The following FOXP2 variants were observed in gnomAD, a reference collection of about 807,000 sequenced individuals.
FOXP2 encodes the protein forkhead box P2.
A neutral mutation model predicts 115.8 loss-of-function variants in FOXP2; 12 were observed. The ratio of observed to expected loss-of-function variants is 0.10; its 90% CI spans 0.07 to 0.17. The LOEUF (loss-of-function observed/expected upper bound fraction) is 0.17. Among genes scored for constraint, FOXP2 ranks in the 10% least tolerant of loss-of-function variants. FOXP2 has a pLI of 1.00. For synonymous variants in FOXP2, 328 were observed against 297.7 expected (o/e 1.10, Z -1.05); for missense variants, 629 against 843.5 (o/e 0.75, Z 3.15).
At chr7:114,459,862 C>A (rs181890520) in intron 2 of FOXP2, among the ~76,000 whole-genome samples, 3 of 152,200 alleles carry the variant, frequency 2.0e-5, no homozygotes, top group East Asian at 3.9e-4. Flanking sequence ...GTGATCCTCC[C>A]GCCTCAGCCT....
intron 2 of FOXP2, among the ~76,000 whole-genome samples, chr7:114,316,837 T>G (rs1277570135): frequency 4.6e-5 from 7 of 151,560 alleles, no homozygotes; most frequent in Non-Finnish European, 1.5e-5. Flanking sequence ...ACTTTCTAAT[T>G]TTTTTTTTAA....
intron 1 of FOXP2, among the ~76,000 whole-genome samples, chr7:114,183,978 A>C (rs1272819678): frequency 6.6e-6 from 1 of 152,296 alleles, no homozygotes; most frequent in East Asian, 1.9e-4. Flanking sequence ...TATTGGAATT[A>C]ACTGTTGAAC....
At chr7:114,361,196 T>C (rs529410872) in intron 2 of FOXP2, among the ~76,000 whole-genome samples, 1 of 152,236 alleles carries the variant, frequency 6.6e-6, no homozygotes, top group African/African-American at 2.4e-5. Flanking sequence ...GATCAAATTA[T>C]ATAATAAATT....
At chr7:114,221,892 T>G (rs1794631815) in intron 1 of FOXP2, among the ~76,000 whole-genome samples, 1 of 152,034 alleles carries the variant, frequency 6.6e-6, no homozygotes, top group Non-Finnish European at 1.5e-5. Flanking sequence ...TCATTCTTCA[T>G]GCTCTTCTCC....
intron 3 of FOXP2, among the ~76,000 whole-genome samples, chr7:114,615,892 T>C (rs1803923707): frequency 6.6e-6 from 1 of 152,162 alleles, no homozygotes; most frequent in Non-Finnish European, 1.5e-5. Flanking sequence ...ATTCCTCAGG[T>C]TTTAGCTTAA....
At chr7:114,264,487 G>A (rs1353791381) in intron 1 of FOXP2, among the ~76,000 whole-genome samples, 1 of 152,020 alleles carries the variant, frequency 6.6e-6, no homozygotes, top group Non-Finnish European at 1.5e-5. Flanking sequence ...TAATGTCTGG[G>A]CCAAATGTTA....
At chr7:114,266,840 T>A (rs778388980) in intron 1 of FOXP2, among the ~76,000 whole-genome samples, 2 of 152,228 alleles carry the variant, frequency 1.3e-5, no homozygotes, top group African/African-American at 2.4e-5. Context: ...AATTGTTCAC[T>A]TGTTCAGCTA....
chr7:114,107,572 A>G (rs1584482927), intron 1 of FOXP2, among the ~76,000 whole-genome samples: 1 of 151,820 alleles, frequency 6.6e-6, no homozygotes, highest in Non-Finnish European at 1.5e-5. Context: ...TCCCTTTCCT[A>G]TTTGTCTGGA....
At chr7:114,287,266 A>C (rs1379799311) in intron 1 of FOXP2, among the ~76,000 whole-genome samples, 1 of 151,934 alleles carries the variant, frequency 6.6e-6, no homozygotes, top group Non-Finnish European at 1.5e-5. Context: ...GAAAAAAAAA[A>C]CTGCAAAAAG....
chr7:114,251,328 G>T (rs1443189230), intron 1 of FOXP2, among the ~76,000 whole-genome samples: 2 of 152,148 alleles, frequency 1.3e-5, no homozygotes, highest in African/African-American at 4.8e-5. Flanking sequence ...TTCTAATTCT[G>T]TGAAGAAAGT....
At chr7:114,377,438 G>A (rs1015240347) in intron 2 of FOXP2, among the ~76,000 whole-genome samples, 15 of 152,118 alleles carry the variant, frequency 9.9e-5, no homozygotes, top group African/African-American at 3.4e-4. Flanking sequence ...CAAGAAAAAT[G>A]TGAAAAAGGC....
chr7:114,545,807 T>G (rs1002396834), intron 3 of FOXP2, among the ~76,000 whole-genome samples: 1 of 152,182 alleles, frequency 6.6e-6, no homozygotes. Flanking sequence ...TAGAAATCTT[T>G]TTTGCATCTT....
At chr7:114,291,743 C>T (rs144999722) in intron 2 of FOXP2, among the ~76,000 whole-genome samples, 8 of 150,558 alleles carry the variant, frequency 5.3e-5, no homozygotes, top group African/African-American at 1.7e-4. Flanking sequence ...CCATGTGGCA[C>T]TCTCCATACA....
At chr7:114,290,305 A>G (rs936948366) in intron 2 of FOXP2, among the ~76,000 whole-genome samples, 1 of 152,028 alleles carries the variant, frequency 6.6e-6, no homozygotes, top group Non-Finnish European at 1.5e-5. Context: ...AAAATGTTTC[A>G]TACAACTTAT....
intron 1 of FOXP2, among the ~76,000 whole-genome samples, chr7:114,169,513 A>G (rs1309027483): frequency 3.3e-5 from 5 of 152,102 alleles, no homozygotes; most frequent in South Asian, 2.1e-4. Flanking sequence ...CTGTATCTTC[A>G]TTGTATCTAG....
chr7:114,290,221 T>G (rs1796560086), intron 2 of FOXP2, among the ~76,000 whole-genome samples: 1 of 151,994 alleles, frequency 6.6e-6, no homozygotes, highest in African/African-American at 2.4e-5. Context: ...AATTTTTTTT[T>G]TAGTTTTATC....
At chr7:114,654,237 C>A (rs1806448377) in intron 10 of FOXP2, 1 of 993,748 alleles carries the variant, frequency 1.0e-6, no homozygotes, top group Non-Finnish European at 1.4e-6. Flanking sequence ...CAAAGTACAC[C>A]TATCAGTGCA....
intron 3 of FOXP2, among the ~76,000 whole-genome samples, chr7:114,571,603 A>G (rs866210235): frequency 9.9e-5 from 15 of 151,872 alleles, no homozygotes; most frequent in African/African-American, 3.4e-4. Context: ...AGTTGGGGAA[A>G]AAATGGATGG....
chr7:114,256,414 T>C (rs1054521335), intron 1 of FOXP2, among the ~76,000 whole-genome samples: 1 of 152,070 alleles, frequency 6.6e-6, no homozygotes. Context: ...GCCAAGATGG[T>C]ATATTTTGTG....
Sources: gnomAD v4.1 joint callset for allele counts (sites outside exome capture counted in the v4.1 genomes callset) on GRCh38, gnomAD v4.1.1 for gene constraint, MANE v1.5 for transcripts, NCBI Gene and HGNC (gene_info 2026-07-23, HGNC 2026-07-21) for gene names.